The following RUFY3 variants were observed in gnomAD, a reference collection of about 807,000 sequenced individuals.
The protein encoded by RUFY3 is RUN and FYVE domain containing 3.
Under a neutral mutation model 84.0 loss-of-function variants are expected in RUFY3, and 34 were observed. The observed-to-expected ratio is 0.40, with a 90% CI of 0.31 to 0.54. The LOEUF (loss-of-function observed/expected upper bound fraction) is 0.54. RUFY3 is among the 20% of genes least tolerant of loss of function. RUFY3 has a pLI of 0.39. For missense variants in RUFY3, 507 were observed against 736.8 expected (o/e 0.69, Z 3.61); for synonymous variants, 242 against 252.9 (o/e 0.96, Z 0.41).
chr4:70,794,797 A>T lies in RUFY3; in HGVS notation c.1460A>T (p.Asn487Ile), dbSNP rs774373268. The change falls in exon 14 of 18, where the codon AAC (asparagine) becomes ATC (isoleucine). Residue 487 changes from asparagine (N) to isoleucine (I), a missense_variant and splice_region_variant. Asn to Ile is a moderately radical substitution (Grantham distance 149). Transcript: ENST00000381006. The stretch of plus-strand genomic sequence containing the variant: ...TTTTCCTCTCCAACTTACCTCAGGA[A>T]CCAGCTTGAGTTAGAACTAAAACAG... ...LEVEELTRQRNQLELELKQEK... is the reference protein window; with the variant it reads ...LEVEELTRQRIQLELELKQEK... 6.2e-7 allele frequency: 1 copy of T among 1,608,218 alleles called. No homozygotes were observed. The highest frequency in any genetic ancestry group is 2.2e-5 in the East Asian group (1 of 44,814).
chr4:70,765,226 T>TA, intron 4 of RUFY3, among the ~76,000 whole-genome samples: 1 of 150,354 alleles, frequency 6.7e-6, no homozygotes, highest in South Asian at 2.1e-4. Context: ...TATATATATA[T>TA]TTGTAAAATC....
intron 1 of RUFY3, among the ~76,000 whole-genome samples, chr4:70,727,354 CTT>C (rs762253929): frequency 9.3e-5 from 11 of 118,202 alleles, no homozygotes; most frequent in South Asian, 6.0e-4. Flanking sequence ...AAAGTAATAA[CTT>C]TTTTTTTTTT....
At chr4:70,729,801 A>G (rs1183344173) in intron 1 of RUFY3, among the ~76,000 whole-genome samples, 5 of 152,200 alleles carry the variant, frequency 3.3e-5, no homozygotes, top group Non-Finnish European at 1.5e-5. Context: ...TTATCAGACT[A>G]AAGATGAACA....
At chr4:70,773,375 C>A in intron 5 of RUFY3, 136 bp from the exon 6 acceptor site, 1 of 611,370 alleles carries the variant, frequency 1.6e-6, no homozygotes, top group Non-Finnish European at 2.9e-6. Context: ...GAAAGTAAAA[C>A]AGTACATTTT....
chr4:70,782,075 AT>A (rs2148770408), intron 8 of RUFY3, among the ~76,000 whole-genome samples: 1 of 152,212 alleles, frequency 6.6e-6, no homozygotes, highest in South Asian at 2.1e-4. Flanking sequence ...CATGTCTTTA[AT>A]CTTTTAAGAA....
chr4:70,792,198 A>G, intron 12 of RUFY3: 1 of 985,536 alleles, frequency 1.0e-6, no homozygotes, highest in Non-Finnish European at 1.2e-6. Flanking sequence ...AGGACAGGGT[A>G]TAGACATGAA....
upstream of RUFY3, among the ~76,000 whole-genome samples, chr4:70,717,348 A>G (rs765233941): frequency 6.6e-5 from 10 of 152,148 alleles, no homozygotes; most frequent in Admixed American, 1.3e-4. Context: ...TAGTGGAAGC[A>G]TTTTATCTAC....
chr4:70,804,883 C>T (rs575891587), intron 17 of RUFY3, among the ~76,000 whole-genome samples: 30 of 152,154 alleles, frequency 2.0e-4, no homozygotes, highest in Admixed American at 3.3e-4. Flanking sequence ...CAAGATCACA[C>T]CATTGCACTC....
chr4:70,789,034 C>T, intron 11 of RUFY3, 61 bp downstream of exon 11: 3 of 1,569,734 alleles, frequency 1.9e-6, no homozygotes, highest in South Asian at 1.2e-5. Context: ...TTCCCTCCTC[C>T]CATCTGATCC....
intron 1 of RUFY3, among the ~76,000 whole-genome samples, chr4:70,750,194 A>G (rs756711300): frequency 1.3e-5 from 2 of 152,112 alleles, no homozygotes; most frequent in Non-Finnish European, 2.9e-5. Context: ...ACAACTTTTT[A>G]TAGTACGTAA....
intron 12 of RUFY3, 85 bp downstream of exon 12, chr4:70,789,677 A>T (rs80097330): frequency 0.02 from 28,883 of 1,465,168 alleles, 978 homozygotes; most frequent in East Asian, 0.16. Context: ...GCAAATAGAA[A>T]ATACATGAAA....
chr4:70,792,955 G>A, intron 12 of RUFY3: 1 of 985,372 alleles, frequency 1.0e-6, no homozygotes, highest in Non-Finnish European at 1.2e-6. Context: ...GCATTTGGAA[G>A]GAGTGATCAA....
intron 1 of RUFY3, chr4:70,705,359 C>A: frequency 8.4e-7 from 1 of 1,188,638 alleles, no homozygotes. Flanking sequence ...GAGGGCCGGC[C>A]CGGCCCCCGC....
intron 12 of RUFY3, chr4:70,790,071 C>G (rs1250963894): frequency 1.0e-5 from 2 of 193,546 alleles, no homozygotes; most frequent in Non-Finnish European, 1.9e-5. Context: ...CTCTTATCTC[C>G]CTTTTCTTTC....
intron 1 of RUFY3, chr4:70,705,411 G>C: frequency 1.5e-6 from 1 of 680,776 alleles, no homozygotes; most frequent in Middle Eastern, 4.8e-4. Context: ...CGGGTGGCCG[G>C]GAGGCGGGGG....
At chr4:70,752,394 A>G (rs1005986776) in intron 1 of RUFY3, among the ~76,000 whole-genome samples, 8 of 152,094 alleles carry the variant, frequency 5.3e-5, no homozygotes, top group African/African-American at 1.9e-4. Context: ...TCCTTTTCAA[A>G]CTGGATGCCT....
intron 1 of RUFY3, among the ~76,000 whole-genome samples, chr4:70,705,934 T>C (rs1450199315): frequency 1.3e-5 from 2 of 152,176 alleles, no homozygotes; most frequent in Non-Finnish European, 2.9e-5. Flanking sequence ...AAGAAGGGAA[T>C]GTGTGGCTTT....
At chr4:70,723,062 T>C (rs1167701225) in intron 1 of RUFY3, among the ~76,000 whole-genome samples, 4 of 152,208 alleles carry the variant, frequency 2.6e-5, no homozygotes, top group Non-Finnish European at 4.4e-5. Flanking sequence ...ATGAGAAAGC[T>C]ATTAATTTTG....
chr4:70,775,549 G>C (rs766659000), intron 7 of RUFY3, among the ~76,000 whole-genome samples: 1 of 152,120 alleles, frequency 6.6e-6, no homozygotes, highest in Non-Finnish European at 1.5e-5. Context: ...TAAAATATGT[G>C]ACATATACAG....
Sources: gnomAD v4.1 joint callset for allele counts (sites outside exome capture counted in the v4.1 genomes callset) on GRCh38, gnomAD v4.1.1 for gene constraint, MANE v1.5 for transcripts, NCBI Gene and HGNC (gene_info 2026-07-23, HGNC 2026-07-21) for gene names.